The following PRKG1 variants were observed in gnomAD, a reference collection of about 807,000 sequenced individuals.
PRKG1 encodes protein kinase cGMP-dependent 1, also known as cGMP-dependent protein kinase 1.
Under a neutral mutation model 88.1 loss-of-function variants are expected in PRKG1, and 35 were observed. That is an observed-to-expected ratio of 0.40 (90% CI 0.30 to 0.53). The LOEUF (loss-of-function observed/expected upper bound fraction) is 0.53, where lower values mean the gene tolerates loss of function less well. PRKG1 is among the 20% of genes least tolerant of loss of function. PRKG1 has a pLI of 0.59. For synonymous variants in PRKG1, 303 were observed against 292.5 expected, an observed-to-expected ratio of 1.04 and a Z score of -0.37; for missense variants, 540 against 839.8, an observed-to-expected ratio of 0.64 and a Z score of 4.41.
At chr10:51,612,628 C>T (rs1838940958) in intron 3 of PRKG1, among the ~76,000 whole-genome samples, 1 of 152,006 alleles carries the variant, frequency 6.6e-6, no homozygotes, top group African/African-American at 2.4e-5. Context: ...CTTTATCTTG[C>T]CTGATGCACT....
At chr10:51,522,535 A>G (rs1841761056) in intron 3 of PRKG1, among the ~76,000 whole-genome samples, 1 of 152,184 alleles carries the variant, frequency 6.6e-6, no homozygotes, top group Non-Finnish European at 1.5e-5. Flanking sequence ...GGCCTTTGCT[A>G]CCATCTTTAA....
intron 5 of PRKG1, among the ~76,000 whole-genome samples, chr10:51,944,322 G>A (rs1393429829): frequency 1.3e-5 from 2 of 151,860 alleles, no homozygotes; most frequent in Non-Finnish European, 2.9e-5. Flanking sequence ...ATTTTTTATT[G>A]CGCCTATTTG....
rs573065026 is a variant in PRKG1 at position 51,370,130 on chromosome 10, T to A, written c.479-97593T>A. On this transcript the variant is annotated intron_variant, in intron 2 of 17. Transcript: ENST00000373980. ...CATAGGGCAAACAAGAGTGAGTCAC[T>A]GGGTGACTGCTATGAGGCTGCCTCC... Among the ~76,000 whole-genome samples the A allele has an allele frequency of 2.2e-4, 33 of 152,218 alleles. 1 individual carries two copies. The South Asian group carries it at 6.2e-3, about 29-fold the overall frequency.
At chr10:51,450,338 A>G (rs551291348) in intron 2 of PRKG1, among the ~76,000 whole-genome samples, 2 of 152,134 alleles carry the variant, frequency 1.3e-5, no homozygotes, top group African/African-American at 2.4e-5. Flanking sequence ...AGCAGTGTAT[A>G]TAATGTTTTC....
At chr10:51,398,884 T>C (rs1837653193) in intron 2 of PRKG1, among the ~76,000 whole-genome samples, 1 of 152,176 alleles carries the variant, frequency 6.6e-6, no homozygotes, top group Admixed American at 6.5e-5. Context: ...TTTTGCTTCT[T>C]TCAGACTAGA....
intron 9 of PRKG1, among the ~76,000 whole-genome samples, chr10:52,193,972 G>A (rs910459775): frequency 4.6e-5 from 7 of 152,168 alleles, no homozygotes; most frequent in Admixed American, 6.5e-5. Context: ...TATTTTAAAT[G>A]TCTATCTAAA....
At chr10:51,061,947 G>T (rs1418148965) in intron 1 of PRKG1, among the ~76,000 whole-genome samples, 7 of 152,102 alleles carry the variant, frequency 4.6e-5, no homozygotes, top group Admixed American at 4.6e-4. Context: ...TCCTTCTGTT[G>T]CATGGCTTCT....
chr10:51,252,265 C>G (rs1267184911), intron 2 of PRKG1, among the ~76,000 whole-genome samples: 1 of 151,790 alleles, frequency 6.6e-6, no homozygotes, highest in Non-Finnish European at 1.5e-5. Flanking sequence ...CAGGTGATAA[C>G]ACTTTTGTTA....
chr10:52,123,060 CACAA>C, intron 7 of PRKG1, among the ~76,000 whole-genome samples: 1 of 152,222 alleles, frequency 6.6e-6, no homozygotes, highest in East Asian at 1.9e-4. Context: ...TTTTAACCTG[CACAA>C]ACAATTTTAT....
intron 4 of PRKG1, among the ~76,000 whole-genome samples, chr10:51,857,753 CA>C (rs1027420007): frequency 9.9e-5 from 15 of 151,844 alleles, no homozygotes; most frequent in African/African-American, 3.6e-4. Context: ...TTTTTCTTCT[CA>C]ATGTTTTTTT....
At chr10:52,018,152 A>G (rs1443116655) in intron 5 of PRKG1, among the ~76,000 whole-genome samples, 1 of 152,192 alleles carries the variant, frequency 6.6e-6, no homozygotes, top group Non-Finnish European at 1.5e-5. Context: ...AAATGACTAA[A>G]TCATGAGTTC....
intron 1 of PRKG1, among the ~76,000 whole-genome samples, chr10:51,043,487 G>C (rs535451276): frequency 7.2e-5 from 11 of 151,992 alleles, no homozygotes; most frequent in Non-Finnish European, 1.5e-4. Context: ...TCATCCTTTT[G>C]GCTTCTATAG....
At chr10:51,630,352 C>T (rs1004369064) in intron 3 of PRKG1, among the ~76,000 whole-genome samples, 3 of 152,138 alleles carry the variant, frequency 2.0e-5, no homozygotes, top group African/African-American at 2.4e-5. Context: ...CTCAGCTAAC[C>T]AGCATTTTAT....
At chr10:51,572,816 C>T (rs917199521) in intron 3 of PRKG1, among the ~76,000 whole-genome samples, 4 of 151,770 alleles carry the variant, frequency 2.6e-5, no homozygotes, top group African/African-American at 4.8e-5. Flanking sequence ...CAATATTTTA[C>T]GCATTGTACC....
In PRKG1 at chr10:51,366,962, T is replaced by A. The variant is rs559471897; in HGVS notation, c.479-100761T>A. Among the ~76,000 whole-genome samples the A allele has an allele frequency of 6.3e-4, 96 of 151,988 alleles. 1 individual carries two copies. The highest frequency in any genetic ancestry group is 4.6e-3 in the South Asian group (22 of 4,818). ...ACTAAACCAAGTGTTGTAATCCAGG[T>A]GTCTTGGGTTCTGAGCCATTGCACC... On this transcript the variant is annotated intron_variant, in intron 2 of 17. Coordinates refer to ENST00000373980, the MANE Select transcript of PRKG1 (RefSeq NM_006258.4).
At chr10:51,453,541 T>A (rs1839498262) in intron 2 of PRKG1, among the ~76,000 whole-genome samples, 1 of 152,164 alleles carries the variant, frequency 6.6e-6, no homozygotes, top group Non-Finnish European at 1.5e-5. Context: ...AATATTTTTT[T>A]AATTTCCATC....
intron 2 of PRKG1, among the ~76,000 whole-genome samples, chr10:51,208,545 G>A (rs1838124931): frequency 6.6e-6 from 1 of 152,148 alleles, no homozygotes; most frequent in African/African-American, 2.4e-5. Flanking sequence ...AAAAGGGTTA[G>A]GGGAGTTCAG....
chr10:51,120,169 A>G (rs1185304762), intron 1 of PRKG1, among the ~76,000 whole-genome samples: 5 of 152,268 alleles, frequency 3.3e-5, no homozygotes, highest in Non-Finnish European at 7.4e-5. Flanking sequence ...TCTAGAATTT[A>G]GAAGCTTAGT....
chr10:51,748,837 G>T (rs998419023), intron 3 of PRKG1, among the ~76,000 whole-genome samples: 1 of 152,106 alleles, frequency 6.6e-6, no homozygotes, highest in African/African-American at 2.4e-5. Flanking sequence ...TCTCAAAATA[G>T]CATCCAATCA....
Sources: gnomAD v4.1 joint callset for allele counts (sites outside exome capture counted in the v4.1 genomes callset) on GRCh38, gnomAD v4.1.1 for gene constraint, MANE v1.5 for transcripts, NCBI Gene and HGNC (gene_info 2026-07-23, HGNC 2026-07-21) for gene names.